MYOF: variants seen among roughly 807,000 people sequenced by gnomAD.
The protein encoded by MYOF is fer-1-like 3, myoferlin.
A neutral mutation model predicts 284.2 loss-of-function variants in MYOF; 244 were observed. The observed-to-expected ratio is 0.86, with a 90% confidence interval of 0.77 to 0.95. The LOEUF is 0.95. MYOF is among the 40% of genes least tolerant of loss of function. The pLI is 0.00. For missense variants in MYOF, 2,496 were observed against 2,560.6 expected, an observed-to-expected ratio of 0.97 and a Z score of 0.54; for synonymous variants, 904 against 919.7, an observed-to-expected ratio of 0.98 and a Z score of 0.31.
At chr10:93,437,328 G>A (rs1487756513) in intron 3 of MYOF, among the ~76,000 whole-genome samples, 1 of 151,984 alleles carries the variant, frequency 6.6e-6, no homozygotes, top group Non-Finnish European at 1.5e-5. Flanking sequence ...AAGAGAAATG[G>A]AAAATGTTCT....
In MYOF at chr10:93,381,365, G is replaced by T; in HGVS notation, c.1730C>A (p.Ser577Tyr). The part of the protein sequence containing the change: ...KYQRRRKYSL[S>Y]AVFHSATMLQ... ...CATGGTGGCTGAATGAAACACGGCAGACAGGCTGTACTTCCGCCTTCGCTG... is the reference window on the plus strand; with the variant it reads ...CATGGTGGCTGAATGAAACACGGCATACAGGCTGTACTTCCGCCTTCGCTG... Residue 577 changes from serine to tyrosine, a missense_variant, in exon 20 of 54, where the codon TCT becomes TAT. Transcript: ENST00000359263. 6.2e-7 allele frequency: 1 copy of T among 1,614,230 alleles called. No individual in the cohort carries two copies. The highest frequency in any genetic ancestry group is 1.1e-5 in the South Asian group (1 of 91,088).
chr10:93,370,382 G>T (rs1239298329), intron 24 of MYOF, among the ~76,000 whole-genome samples: 1 of 145,782 alleles, frequency 6.9e-6, no homozygotes, highest in African/African-American at 2.7e-5. Context: ...CTCAATCTCG[G>T]CTCACTGCAC....
At chr10:93,369,528 G>C in intron 25 of MYOF, 117 bp downstream of exon 25, 1 of 1,412,262 alleles carries the variant, frequency 7.1e-7, no homozygotes, top group Non-Finnish European at 9.6e-7. Flanking sequence ...GGATTTTAGG[G>C]GATGGTAAGG....
intron 7 of MYOF, among the ~76,000 whole-genome samples, chr10:93,404,909 A>G (rs1468536109): frequency 2.0e-5 from 3 of 152,206 alleles, no homozygotes; most frequent in Non-Finnish European, 4.4e-5. Context: ...GATTCTTGGG[A>G]TATGAATATT....
At chr10:93,394,737 G>A (rs1304144340) in intron 16 of MYOF, among the ~76,000 whole-genome samples, 2 of 149,812 alleles carry the variant, frequency 1.3e-5, no homozygotes, top group African/African-American at 2.4e-5. Flanking sequence ...TGGGATTACA[G>A]GAGTGAGCCA....
intron 5 of MYOF, chr10:93,425,814 G>A (rs1389909081): frequency 1.2e-5 from 6 of 517,184 alleles, no homozygotes; most frequent in South Asian, 2.2e-5. Context: ...TGCTGGAGCC[G>A]GCATGTGCTT....
intron 5 of MYOF, among the ~76,000 whole-genome samples, chr10:93,414,318 C>T (rs1322345574): frequency 6.6e-6 from 1 of 152,238 alleles, no homozygotes; most frequent in Non-Finnish European, 1.5e-5. Context: ...GGGTGGATCA[C>T]CTGAGGCCAG....
At chr10:93,349,225 T>A (rs1465131699) in intron 36 of MYOF, among the ~76,000 whole-genome samples, 1 of 152,062 alleles carries the variant, frequency 6.6e-6, no homozygotes, top group Non-Finnish European at 1.5e-5. Flanking sequence ...TCACCCCAGG[T>A]ATTATGGGGT....
chr10:93,374,722 C>T (rs369476578), intron 23 of MYOF, 41 bp downstream of exon 23: 64 of 1,581,594 alleles, frequency 4.0e-5, no homozygotes, highest in Non-Finnish European at 5.2e-5. Context: ...CAGAGCCCTT[C>T]TTCCATATCA....
intron 25 of MYOF, among the ~76,000 whole-genome samples, chr10:93,368,817 A>G (rs1305222681): frequency 6.6e-6 from 1 of 152,204 alleles, no homozygotes; most frequent in Non-Finnish European, 1.5e-5. Flanking sequence ...ACTAGCTAAA[A>G]TGATGACAGT....
chr10:93,426,023 A>T, intron 5 of MYOF, 48 bp downstream of exon 5: 2 of 1,504,034 alleles, frequency 1.3e-6, no homozygotes, highest in Non-Finnish European at 1.8e-6. Flanking sequence ...GTGTGTCTTT[A>T]GCAGCCTCCC....
At position 93,402,315 on chromosome 10, in the gene MYOF, T is replaced by A. The variant is rs1414641965; in HGVS notation, c.907A>T (p.Asn303Tyr). The change falls in exon 11 of 54, where the codon AAT (asparagine) becomes TAT (tyrosine). Residue 303 changes from asparagine to tyrosine, a missense_variant. Physicochemically the swap from Asn to Tyr is moderately radical, Grantham distance 143. This residue lies in a region of MYOF where 2,436 missense variants were observed against 2,480.7 expected (regional missense o/e 0.98). Transcript: ENST00000359263. ...CCTGAACTGGTATCTTCCGGGTCAT[T>A]GAGAAGAAGCCACTTTCTCATGACA... Reference protein sequence around the residue: ...HAVMRKWLLLNDPEDTSSGSK... With the variant: ...HAVMRKWLLLYDPEDTSSGSK... The A allele has an allele frequency of 6.2e-7, 1 of 1,614,092 alleles. No homozygotes were observed. The highest frequency in any genetic ancestry group is 2.2e-5 in the East Asian group (1 of 44,880).
At chr10:93,417,413 T>C (rs1356414476) in intron 5 of MYOF, among the ~76,000 whole-genome samples, 4 of 152,168 alleles carry the variant, frequency 2.6e-5, no homozygotes, top group Admixed American at 1.3e-4. Flanking sequence ...GTGCAGTCAC[T>C]TGTGATAATG....
chr10:93,369,588 GT>G, intron 25 of MYOF, 56 bp downstream of exon 25: 1 of 1,606,250 alleles, frequency 6.2e-7, no homozygotes, highest in Non-Finnish European at 8.5e-7. Flanking sequence ...AAGGTGAAAA[GT>G]AAAAGTGCCC....
chr10:93,366,359 C>T (rs1845326077), intron 26 of MYOF, 33 bp downstream of exon 26: 10 of 1,598,544 alleles, frequency 6.3e-6, no homozygotes, highest in Non-Finnish European at 7.7e-6. Flanking sequence ...GATTTCATTG[C>T]TATCCTTTTT....
At chr10:93,360,418 G>T (rs918069686) in intron 28 of MYOF, among the ~76,000 whole-genome samples, 5 of 152,214 alleles carry the variant, frequency 3.3e-5, no homozygotes, top group Admixed American at 3.3e-4. Flanking sequence ...TGTAAAGTGG[G>T]ATTATAGGGT....
chr10:93,449,923 T>C (rs1290968120), intron 3 of MYOF, among the ~76,000 whole-genome samples: 1 of 152,162 alleles, frequency 6.6e-6, no homozygotes, highest in African/African-American at 2.4e-5. Context: ...TCCATGTCTG[T>C]GCAGACTCTC....
Position 93,408,825 on chromosome 10 carries a change from T to C in MYOF, c.691A>G (p.Thr231Ala). 6.2e-7 allele frequency: 1 copy of C among 1,614,216 alleles called. No individual in the cohort carries two copies. The highest frequency in any genetic ancestry group is 8.5e-7 in the Non-Finnish European group (1 of 1,180,036). ...KVHVCGQTHR[T>A]RIKRGNNPFF... ...GGGTTGTTTCCTCTCTTGATTCTTG[T>C]TCGGTGTGTCTGGCCACAGACGTGA... The change falls in exon 7 of 54, where the codon ACA becomes GCA. Residue 231 changes from threonine to alanine, a missense_variant. By Grantham distance (58) the Thr-to-Ala change is moderately conservative (BLOSUM62 0). Transcript: ENST00000359263.
chr10:93,313,734 C>A (rs1842492315), intron 50 of MYOF, among the ~76,000 whole-genome samples: 1 of 152,002 alleles, frequency 6.6e-6, no homozygotes, highest in African/African-American at 2.4e-5. Flanking sequence ...AACCCCGTCT[C>A]TACTAAAAAT....
Sources: allele counts gnomAD v4.1 joint callset (sites outside exome capture counted in the v4.1 genomes callset), GRCh38; gene constraint gnomAD v4.1.1; regional missense constraint gnomAD v4.1.1; transcripts MANE v1.5; gene names NCBI Gene and HGNC (gene_info 2026-07-23, HGNC 2026-07-21).